Variants in F13A1 observed in about 807,000 individuals in gnomAD.
F13A1 encodes FSF, A subunit.
Under a neutral mutation model 80.1 loss-of-function variants are expected in F13A1, and 47 were observed. The ratio of observed to expected loss-of-function variants is 0.59; its 90% CI spans 0.46 to 0.75. The LOEUF (loss-of-function observed/expected upper bound fraction) is 0.75. Ranked by LOEUF, F13A1 falls within the 30% of genes least tolerant of loss-of-function variation. The pLI is 0.00. For missense variants in F13A1, 817 were observed against 930.4 expected, an observed-to-expected ratio of 0.88 and a Z score of 1.59; for synonymous variants, 349 against 344.9, an observed-to-expected ratio of 1.01 and a Z score of -0.13.
At chr6:6,287,723 G>C (rs1758158722) in intron 3 of F13A1, among the ~76,000 whole-genome samples, 1 of 152,184 alleles carries the variant, frequency 6.6e-6, no homozygotes, top group Admixed American at 6.5e-5. Flanking sequence ...AAGGTCTCTG[G>C]CACCAAAATA....
intron 6 of F13A1, among the ~76,000 whole-genome samples, chr6:6,232,482 T>G (rs919345335): frequency 1.3e-5 from 2 of 151,834 alleles, no homozygotes; most frequent in Non-Finnish European, 2.9e-5. Flanking sequence ...AGAAATGAGA[T>G]AGACAGTAAG....
chr6:6,253,220 T>C (rs1380362390), intron 4 of F13A1, among the ~76,000 whole-genome samples: 2 of 150,492 alleles, frequency 1.3e-5, no homozygotes, highest in African/African-American at 2.5e-5. Flanking sequence ...AGAAGAAAGA[T>C]TGAAGGACTT....
intron 13 of F13A1, among the ~76,000 whole-genome samples, chr6:6,157,434 C>CTTTTT (rs3059190): frequency 6.6e-6 from 1 of 150,440 alleles, no homozygotes; most frequent in Non-Finnish European, 1.5e-5. Context: ...AAAATAGAAA[C>CTTTTT]TTTTTTTTTT....
chr6:6,282,558 G>A (rs1318881391), intron 3 of F13A1, among the ~76,000 whole-genome samples: 1 of 152,116 alleles, frequency 6.6e-6, no homozygotes, highest in African/African-American at 2.4e-5. Flanking sequence ...ACTTTGCAGG[G>A]GTAACCCCAA....
chr6:6,202,319 T>C (rs1761410254), intron 8 of F13A1, among the ~76,000 whole-genome samples: 2 of 152,250 alleles, frequency 1.3e-5, no homozygotes, highest in African/African-American at 4.8e-5. Context: ...AGAGTTTTTC[T>C]GTTTTCATCT....
chr6:6,238,249 A>C (rs1757438712), intron 6 of F13A1, among the ~76,000 whole-genome samples: 1 of 152,234 alleles, frequency 6.6e-6, no homozygotes, highest in Non-Finnish European at 1.5e-5. Context: ...CTTTGCAACG[A>C]ATGAAAGCCT....
At chr6:6,225,330 T>C (rs1409923329) in intron 6 of F13A1, among the ~76,000 whole-genome samples, 1 of 152,222 alleles carries the variant, frequency 6.6e-6, no homozygotes, top group Non-Finnish European at 1.5e-5. Context: ...TTTTGAGTGG[T>C]AGACTCTACC....
chr6:6,276,280 C>T (rs1757986957), intron 3 of F13A1, among the ~76,000 whole-genome samples: 1 of 152,178 alleles, frequency 6.6e-6, no homozygotes, highest in Non-Finnish European at 1.5e-5. Context: ...GGGTGTGTCT[C>T]CTGTGCTCTC....
At chr6:6,295,541 T>A (rs1481754680) in intron 3 of F13A1, among the ~76,000 whole-genome samples, 4 of 146,698 alleles carry the variant, frequency 2.7e-5, no homozygotes, top group African/African-American at 1.1e-4. Context: ...CATAAATGTC[T>A]TCTTTTGAGA....
At chr6:6,209,747 A>G (rs1379370191) in intron 8 of F13A1, among the ~76,000 whole-genome samples, 1 of 152,246 alleles carries the variant, frequency 6.6e-6, no homozygotes, top group African/African-American at 2.4e-5. Flanking sequence ...GCCAGACACA[A>G]AAGGTCACAT....
intron 7 of F13A1, among the ~76,000 whole-genome samples, chr6:6,223,686 T>G (rs1043560610): frequency 3.9e-5 from 6 of 152,160 alleles, no homozygotes; most frequent in African/African-American, 1.2e-4. Context: ...CTCATGACTT[T>G]TTTTTTTTAA....
chr6:6,207,690 A>G (rs1407843164), intron 8 of F13A1, among the ~76,000 whole-genome samples: 1 of 152,220 alleles, frequency 6.6e-6, no homozygotes, highest in Non-Finnish European at 1.5e-5. Flanking sequence ...GGTTAATTAA[A>G]GACTTTCCCC....
At chr6:6,190,732 T>G (rs1440765352) in intron 10 of F13A1, among the ~76,000 whole-genome samples, 3 of 152,072 alleles carry the variant, frequency 2.0e-5, no homozygotes, top group Non-Finnish European at 1.5e-5. Context: ...CAGGCCTCCT[T>G]GAGCTGTGGT....
At chr6:6,314,895 A>T (rs1296988095) in intron 2 of F13A1, among the ~76,000 whole-genome samples, 11 of 152,170 alleles carry the variant, frequency 7.2e-5, no homozygotes. Context: ...AGTAACCTTC[A>T]ATCCAGAGAG....
chr6:6,288,538 T>G (rs116253194), intron 3 of F13A1, among the ~76,000 whole-genome samples: 34 of 152,358 alleles, frequency 2.2e-4, no homozygotes, highest in African/African-American at 7.9e-4. Flanking sequence ...CCATTGTGTC[T>G]ATATACCACA....
At chr6:6,259,567 C>A (rs944475473) in intron 4 of F13A1, among the ~76,000 whole-genome samples, 2 of 152,186 alleles carry the variant, frequency 1.3e-5, no homozygotes, top group African/African-American at 4.8e-5. Context: ...ACACACACAT[C>A]ACCCACAGAC....
intron 3 of F13A1, among the ~76,000 whole-genome samples, chr6:6,301,916 G>A (rs182618628): frequency 1.3e-5 from 2 of 152,294 alleles, no homozygotes; most frequent in Admixed American, 1.3e-4. Context: ...ATCCACGGGG[G>A]CCCTGTCTGC....
chr6:6,191,643 C>T (rs373262894), intron 10 of F13A1, among the ~76,000 whole-genome samples: 38 of 152,324 alleles, frequency 2.5e-4, no homozygotes, highest in African/African-American at 9.1e-4. Flanking sequence ...ATATGCTCTT[C>T]ACCACTGAGG....
At chr6:6,190,227 C>G (rs2151079996) in intron 10 of F13A1, among the ~76,000 whole-genome samples, 1 of 152,198 alleles carries the variant, frequency 6.6e-6, no homozygotes, top group Non-Finnish European at 1.5e-5. Context: ...CTCAGCTCGT[C>G]AAAGTCGTTC....
Sources: gnomAD v4.1 joint callset for allele counts (sites outside exome capture counted in the v4.1 genomes callset) on GRCh38, gnomAD v4.1.1 for gene constraint, MANE v1.5 for transcripts, NCBI Gene and HGNC (gene_info 2026-07-23, HGNC 2026-07-21) for gene names.